Variants in TSPEAR observed in about 807,000 individuals in gnomAD.
TSPEAR encodes the protein thrombospondin-type laminin G domain and EAR repeat-containing protein.
In TSPEAR, 69 loss-of-function variants were observed where a neutral mutation model predicts 71.6. The ratio of observed to expected loss-of-function variants is 0.96; its 90% CI spans 0.79 to 1.18. The LOEUF (loss-of-function observed/expected upper bound fraction) is 1.18, where lower values mean the gene tolerates loss of function less well. Ranked by LOEUF, TSPEAR falls within the 50% of genes most tolerant of loss-of-function variation. The probability of loss-of-function intolerance (pLI) is 0.00; values close to 1 mark genes in which losing one functional copy is unlikely to be tolerated. For synonymous variants in TSPEAR, 402 were observed against 387.2 expected (o/e 1.04, Z -0.45); for missense variants, 971 against 894.9 (o/e 1.09, Z -1.09).
At chr21:44,697,034 ACTCCCTCCCTCCTGCCC>A in intron 1 of TSPEAR, 1 of 900,570 alleles carries the variant, frequency 1.1e-6, no homozygotes, top group South Asian at 1.8e-5. Context: ...ACGCTCACTC[ACTCCCTCCCTCCTGCCC>A]ATCCAGCACC....
chr21:44,539,888 G>A lies in TSPEAR; in HGVS notation c.304-5965C>T, dbSNP rs1229909011. ...CTGGCAGGGGGAGGAGGTGCAGCAAGCCGGCTGGCAGCTAGACTGCTGGCA... is the reference window on the plus strand; with the variant it reads ...CTGGCAGGGGGAGGAGGTGCAGCAAACCGGCTGGCAGCTAGACTGCTGGCA... On this transcript the variant is annotated intron_variant, in intron 2 of 11. Transcript: ENST00000323084. 12 of 1,613,046 alleles carry A rather than the reference G, an allele frequency of 7.4e-6. 1 individual carries two copies. The highest frequency in any genetic ancestry group is 3.3e-5 in the South Asian group (3 of 90,966).
At chr21:44,709,220 G>A (rs1403006206) in intron 1 of TSPEAR, among the ~76,000 whole-genome samples, 4 of 152,142 alleles carry the variant, frequency 2.6e-5, no homozygotes, top group African/African-American at 7.2e-5. Flanking sequence ...GGGTTGCTCT[G>A]AATGAGGGGT....
intron 1 of TSPEAR, among the ~76,000 whole-genome samples, chr21:44,617,759 G>A (rs7277580): frequency 1.9e-3 from 285 of 152,362 alleles, no homozygotes; most frequent in African/African-American, 6.1e-3. Flanking sequence ...GCGTGAACAC[G>A]CTGCACTTGA....
At chr21:44,549,142 C>T (rs587624486) in intron 2 of TSPEAR, among the ~76,000 whole-genome samples, 1 of 152,228 alleles carries the variant, frequency 6.6e-6, no homozygotes, top group East Asian at 1.9e-4. Flanking sequence ...TAAGCTAGAC[C>T]CGATTGGCTA....
chr21:44,622,846 G>C (rs1555933724), intron 1 of TSPEAR, among the ~76,000 whole-genome samples: 1 of 152,166 alleles, frequency 6.6e-6, no homozygotes, highest in Non-Finnish European at 1.5e-5. Context: ...TCCACTGTTG[G>C]AGGTGGGGCC....
At chr21:44,552,297 C>T (rs1460874277) in intron 2 of TSPEAR, among the ~76,000 whole-genome samples, 2 of 152,086 alleles carry the variant, frequency 1.3e-5, no homozygotes, top group African/African-American at 2.4e-5. Context: ...GGTCATCAGG[C>T]AGGACAGGCC....
chr21:44,589,941 A>G (rs1454876460), intron 1 of TSPEAR, among the ~76,000 whole-genome samples: 8 of 152,236 alleles, frequency 5.3e-5, no homozygotes, highest in African/African-American at 1.9e-4. Context: ...CAGGAAGAAA[A>G]CATCTCTGCC....
At chr21:44,578,754 T>C (rs1432705217) in intron 1 of TSPEAR, among the ~76,000 whole-genome samples, 1 of 152,104 alleles carries the variant, frequency 6.6e-6, no homozygotes, top group Non-Finnish European at 1.5e-5. Context: ...CCGCAGCCCC[T>C]GGAAGGCCAT....
intron 1 of TSPEAR, among the ~76,000 whole-genome samples, chr21:44,616,233 C>T (rs587754033): frequency 9.1e-4 from 139 of 151,940 alleles, no homozygotes; most frequent in African/African-American, 3.3e-3. Flanking sequence ...TCTGCTCTAA[C>T]AACATGACAG....
intron 1 of TSPEAR, chr21:44,654,353 T>C: frequency 6.2e-7 from 1 of 1,613,842 alleles, no homozygotes; most frequent in Middle Eastern, 1.7e-4. Context: ...CACCCAGAGG[T>C]TGGGCAGAAG....
In TSPEAR at chr21:44,627,475, C is replaced by T. The variant is rs368760335; in HGVS notation, c.83-59470G>A. 21 of 1,542,946 alleles carry T rather than the reference C, an allele frequency of 1.4e-5. No homozygotes were observed. The African/African-American group carries it at 2.7e-4, about 19-fold the overall frequency. Reference sequence around the variant, plus strand: ...CCCCTGCCAGCAGGCCTGCTGCGTGCCCGTCTGCTGCAAGCCTGTGTGCTG... The same window carrying T: ...CCCCTGCCAGCAGGCCTGCTGCGTGTCCGTCTGCTGCAAGCCTGTGTGCTG... On this transcript the variant is annotated intron_variant, in intron 1 of 11. Coordinates refer to ENST00000323084, the MANE Select transcript of TSPEAR (RefSeq NM_144991.3).
intron 2 of TSPEAR, chr21:44,558,763 G>A (rs1266065866): frequency 6.4e-7 from 1 of 1,560,620 alleles, no homozygotes; most frequent in Non-Finnish European, 8.7e-7. Flanking sequence ...GTGAGTGAGT[G>A]TGGGAGTGAG....
intron 1 of TSPEAR, among the ~76,000 whole-genome samples, chr21:44,698,623 G>T (rs1376542457): frequency 6.6e-6 from 1 of 152,210 alleles, no homozygotes; most frequent in Non-Finnish European, 1.5e-5. Flanking sequence ...GTGGGGGCTG[G>T]CTGGACACGG....
intron 1 of TSPEAR, among the ~76,000 whole-genome samples, chr21:44,694,336 C>G (rs929034298): frequency 3.9e-5 from 6 of 152,190 alleles, no homozygotes; most frequent in Admixed American, 3.9e-4. Context: ...TGTTTGATTC[C>G]TCTTACATGA....
At chr21:44,614,055 C>T (rs1555931865) in intron 1 of TSPEAR, among the ~76,000 whole-genome samples, 2 of 152,182 alleles carry the variant, frequency 1.3e-5, no homozygotes, top group Non-Finnish European at 2.9e-5. Context: ...TGCCGTAGGT[C>T]CCTCACCTGA....
At chr21:44,663,187 G>C (rs182960622) in intron 1 of TSPEAR, among the ~76,000 whole-genome samples, 39 of 150,384 alleles carry the variant, frequency 2.6e-4, no homozygotes, top group Admixed American at 2.4e-3. Flanking sequence ...ACAATGAAAT[G>C]AATAAGCATC....
chr21:44,670,520 G>A (rs1555945703), intron 1 of TSPEAR, among the ~76,000 whole-genome samples: 1 of 152,166 alleles, frequency 6.6e-6, no homozygotes, highest in Non-Finnish European at 1.5e-5. Context: ...GAATCAGTCG[G>A]GAGCCCACAG....
At position 44,642,672 on chromosome 21, in the gene TSPEAR, T is replaced by C. The variant is rs1408434209; in HGVS notation, c.82+68761A>G. Among the ~76,000 whole-genome samples, 1 of 151,932 alleles carries C rather than the reference T, an allele frequency of 6.6e-6. No individual in the cohort carries two copies. The highest frequency in any genetic ancestry group is 1.9e-4 in the East Asian group (1 of 5,172). ...TCCTGGCTAACACGGTGAAACCCCGTCTCTACTAAAAATACAAAAATTGGC... is the reference window on the plus strand; with the variant it reads ...TCCTGGCTAACACGGTGAAACCCCGCCTCTACTAAAAATACAAAAATTGGC... On this transcript the variant is annotated intron_variant, in intron 1 of 11. Transcript: ENST00000323084. The surrounding 1 kb of genome is among the most constrained non-coding windows in gnomAD (Gnocchi z 4.1).
intron 1 of TSPEAR, among the ~76,000 whole-genome samples, chr21:44,597,432 C>CTTTTTTTTTT (rs370569621): frequency 7.7e-6 from 1 of 130,620 alleles, no homozygotes; most frequent in African/African-American, 3.3e-5. Context: ...TTCTTTCTTT[C>CTTTTTTTTTT]TTTTCTTTTT....
Sources: allele counts gnomAD v4.1 joint callset (sites outside exome capture counted in the v4.1 genomes callset), GRCh38; gene constraint gnomAD v4.1.1; non-coding constraint Gnocchi (gnomAD v3.1); transcripts MANE v1.5; gene names NCBI Gene and HGNC (gene_info 2026-07-23, HGNC 2026-07-21).